FAT3: variants seen among roughly 807,000 people sequenced by gnomAD.
FAT3 encodes FAT atypical cadherin 3, also known as protocadherin Fat 3.
Under a neutral mutation model 310.2 loss-of-function variants are expected in FAT3, and 95 were observed. The ratio of observed to expected loss-of-function variants is 0.31; its 90% CI spans 0.26 to 0.36. The LOEUF (loss-of-function observed/expected upper bound fraction) is 0.36. FAT3 is among the 10% of genes least tolerant of loss of function. The pLI is 1.00. For synonymous variants in FAT3, 2,314 were observed against 2,192.9 expected (o/e 1.06, Z -1.54); for missense variants, 5,408 against 5,715.6 (o/e 0.95, Z 1.74).
At chr11:92,656,437 C>G (rs1035920495) in intron 3 of FAT3, among the ~76,000 whole-genome samples, 1 of 152,162 alleles carries the variant, frequency 6.6e-6, no homozygotes, top group African/African-American at 2.4e-5. Context: ...CCACTTCATT[C>G]TCAAAAACAA....
chr11:92,529,749 G>GT (rs1183628296), intron 3 of FAT3, among the ~76,000 whole-genome samples: 1 of 152,146 alleles, frequency 6.6e-6, no homozygotes, highest in African/African-American at 2.4e-5. Context: ...TCTTTCAATG[G>GT]TTCACTGTCC....
chr11:92,354,489 C>A lies in FAT3; in HGVS notation c.2377C>A (p.His793Asn), dbSNP rs1306431483. The A allele has an allele frequency of 6.2e-7, 1 of 1,613,724 alleles. No homozygotes were observed. Among genetic ancestry groups the A allele is most frequent in the East Asian group, 2.2e-5 (1 of 44,892 alleles). ...AGTCCTTATGCCCATGGATCGAGAACACACAGACCTCTATCTCCTTAATAT... is the reference window on the plus strand; with the variant it reads ...AGTCCTTATGCCCATGGATCGAGAAAACACAGACCTCTATCTCCTTAATAT... ...LKVLMPMDREHTDLYLLNITI... is the reference protein window; with the variant it reads ...LKVLMPMDRENTDLYLLNITI... The change falls in exon 2 of 28, where the codon CAC (histidine) becomes AAC (asparagine). Residue 793 changes from histidine (H) to asparagine (N), a missense_variant. Physicochemically the swap from His to Asn is moderately conservative, Grantham distance 68 (BLOSUM62 1). Transcript: ENST00000525166.
At chr11:92,355,538 T>G in intron 2 of FAT3, 134 bp downstream of exon 2, 1 of 799,410 alleles carries the variant, frequency 1.3e-6, no homozygotes, top group Non-Finnish European at 1.9e-6. Context: ...ACGACGCACA[T>G]AGATGCTTTT....
intron 3 of FAT3, among the ~76,000 whole-genome samples, chr11:92,607,996 G>A (rs1053183093): frequency 6.6e-6 from 1 of 151,428 alleles, no homozygotes; most frequent in Non-Finnish European, 1.5e-5. Flanking sequence ...TCCATTTCTT[G>A]AACTTTTTTT....
intron 3 of FAT3, among the ~76,000 whole-genome samples, chr11:92,585,862 T>C (rs1320466553): frequency 6.6e-6 from 1 of 152,058 alleles, no homozygotes; most frequent in Middle Eastern, 3.4e-3. Flanking sequence ...ATGGTACTTA[T>C]TCCTACCAAA....
At chr11:92,772,124 T>C (rs371023136) in intron 6 of FAT3, among the ~76,000 whole-genome samples, 13 of 152,282 alleles carry the variant, frequency 8.5e-5, no homozygotes, top group African/African-American at 3.1e-4. Flanking sequence ...GGATGACTCC[T>C]TCCCCCACCT....
At position 92,883,034 on chromosome 11, in the gene FAT3, A is replaced by G. The variant is rs762802457; in HGVS notation, c.12578A>G (p.Gln4193Arg). 3 of 1,613,946 alleles carry G rather than the reference A, an allele frequency of 1.9e-6. No individual in the cohort carries two copies. The highest frequency in any genetic ancestry group is 2.5e-6 in the Non-Finnish European group (3 of 1,179,906). Reference sequence around the variant, plus strand: ...TCCCGCAACAACATCACGCTAGTGCAGGACCCGGCCACCGCCGCCCTGCTT... The same window carrying G: ...TCCCGCAACAACATCACGCTAGTGCGGGACCCGGCCACCGCCGCCCTGCTT... ...NYSRNNITLV[Q>R]DPATAALLNK... Residue 4193 changes from glutamine (Q) to arginine (R), a missense_variant, in exon 24 of 28, where the codon CAG (glutamine) becomes CGG (arginine). Gln to Arg is a conservative substitution (Grantham distance 43, BLOSUM62 1). Around this residue, in one of 5 missense-constraint regions of FAT3, gnomAD observed 649 missense variants for 666.2 expected, o/e 0.97. Transcript: ENST00000525166. The surrounding 1 kb of genome is among the most constrained non-coding windows in gnomAD (Gnocchi z 4.2).
intron 3 of FAT3, among the ~76,000 whole-genome samples, chr11:92,615,628 C>T (rs535842159): frequency 9.5e-4 from 144 of 152,324 alleles, no homozygotes; most frequent in African/African-American, 3.2e-3. Context: ...CTATAAATTT[C>T]CCTCTATGCA....
intron 2 of FAT3, among the ~76,000 whole-genome samples, chr11:92,362,540 C>G (rs1262922087): frequency 6.6e-6 from 1 of 152,196 alleles, no homozygotes; most frequent in Admixed American, 6.5e-5. Flanking sequence ...TCTTTCTACA[C>G]TGGTTACTGT....
At chr11:92,766,091 A>G (rs886237693) in intron 6 of FAT3, among the ~76,000 whole-genome samples, 19 of 152,150 alleles carry the variant, frequency 1.2e-4, no homozygotes, top group African/African-American at 4.6e-4. Context: ...AGCATGCAGG[A>G]TAGACCCTGG....
At chr11:92,398,711 C>T (rs191023201) in intron 2 of FAT3, among the ~76,000 whole-genome samples, 18 of 152,174 alleles carry the variant, frequency 1.2e-4, no homozygotes, top group African/African-American at 2.2e-4. Context: ...ACAATTCAAC[C>T]GATAATAAAT....
chr11:92,415,768 A>G (rs374643829), intron 2 of FAT3, among the ~76,000 whole-genome samples: 16 of 151,226 alleles, frequency 1.1e-4, no homozygotes, highest in East Asian at 9.7e-4. Context: ...ACTTTATTAT[A>G]GCTCCTACCA....
intron 1 of FAT3, among the ~76,000 whole-genome samples, chr11:92,339,262 T>A (rs1170997144): frequency 6.6e-6 from 1 of 152,156 alleles, no homozygotes; most frequent in Non-Finnish European, 1.5e-5. Flanking sequence ...ATTCTCATTG[T>A]GATAACAAAA....
intron 24 of FAT3, among the ~76,000 whole-genome samples, chr11:92,885,003 A>G (rs1364819640): frequency 6.6e-6 from 1 of 152,176 alleles, no homozygotes; most frequent in Admixed American, 6.5e-5. Flanking sequence ...GGAAAAGGAG[A>G]GGACCCTTGT....
At position 92,774,026 on chromosome 11, in the gene FAT3, C is replaced by G. The variant is rs1946527746; in HGVS notation, c.4196-15C>G. 1 of 1,611,180 alleles carries G rather than the reference C, an allele frequency of 6.2e-7. No homozygotes were observed. Among genetic ancestry groups the G allele is most frequent in the Non-Finnish European group, 8.5e-7 (1 of 1,178,880 alleles). On this transcript the variant is annotated splice_polypyrimidine_tract_variant and intron_variant, in intron 6 of 27. Transcript: ENST00000525166. ...TATCAGATTTGCTAATTTCATGTTT[C>G]TGTGAAATCATCAGGGGGGAATTTT...
In FAT3 at chr11:92,637,810, A is replaced by G. The variant is rs538658805; in HGVS notation, c.3608-59574A>G. Reference sequence around the variant, plus strand: ...CTATGTAAATGATTCTGACTCTATCATATTCTAAATAATGACATCCCTTAT... The same window carrying G: ...CTATGTAAATGATTCTGACTCTATCGTATTCTAAATAATGACATCCCTTAT... On this transcript the variant is annotated intron_variant, in intron 3 of 27. Transcript: ENST00000525166. Among the ~76,000 whole-genome samples the G allele has an allele frequency of 3.3e-5, 5 of 152,342 alleles. 1 individual carries two copies. In the South Asian group the frequency reaches 1.0e-3, roughly 32 times the overall value.
In FAT3 at chr11:92,352,698, T is replaced by C; in HGVS notation, c.586T>C (p.Tyr196His). 1 of 1,613,840 alleles carries C rather than the reference T, an allele frequency of 6.2e-7. No homozygotes were observed. The highest frequency in any genetic ancestry group is 8.5e-7 in the Non-Finnish European group (1 of 1,179,860). Residue 196 changes from tyrosine (Y) to histidine (H), a missense_variant, in exon 2 of 28, where the codon TAC becomes CAC. Tyr to His is a moderately conservative substitution (Grantham distance 83, BLOSUM62 2). Coordinates refer to ENST00000525166, the MANE Select transcript of FAT3 (RefSeq NM_001367949.2). ...DIGSNGEFYYYFKNKVDLFSV... is the reference protein window; with the variant it reads ...DIGSNGEFYYHFKNKVDLFSV... ...TGGTTCCAATGGAGAATTCTACTACTACTTTAAAAATAAAGTTGATCTCTT... is the reference window on the plus strand; with the variant it reads ...TGGTTCCAATGGAGAATTCTACTACCACTTTAAAAATAAAGTTGATCTCTT...
chr11:92,613,061 A>G (rs1940641661), intron 3 of FAT3, among the ~76,000 whole-genome samples: 1 of 152,176 alleles, frequency 6.6e-6, no homozygotes, highest in African/African-American at 2.4e-5. Context: ...CTAAATTTGG[A>G]ATCATTTAAG....
At chr11:92,412,851 C>G (rs895983389) in intron 2 of FAT3, among the ~76,000 whole-genome samples, 12 of 150,352 alleles carry the variant, frequency 8.0e-5, no homozygotes, top group African/African-American at 2.7e-4. Context: ...CATATACCCC[C>G]CTACACACAC....
Sources: gnomAD v4.1 joint callset for allele counts (sites outside exome capture counted in the v4.1 genomes callset) on GRCh38, gnomAD v4.1.1 for gene constraint, gnomAD v4.1.1 regional missense constraint, Gnocchi (gnomAD v3.1) non-coding constraint, MANE v1.5 for transcripts, NCBI Gene and HGNC (gene_info 2026-07-23, HGNC 2026-07-21) for gene names.